Variants in GRM5 observed in about 807,000 individuals in gnomAD.
GRM5 encodes glutamate metabotropic receptor 5.
Under a neutral mutation model 83.1 loss-of-function variants are expected in GRM5, and 19 were observed. The ratio of observed to expected loss-of-function variants is 0.23; its 90% confidence interval spans 0.16 to 0.34. The LOEUF (loss-of-function observed/expected upper bound fraction) is 0.34. Among genes scored for constraint, GRM5 ranks in the 10% least tolerant of loss-of-function variants. The pLI, the probability that GRM5 is intolerant of heterozygous loss-of-function variation, is 1.00. For synonymous variants in GRM5, 675 were observed against 633.6 expected (o/e 1.07, Z -0.98); for missense variants, 1,160 against 1,588.3 (o/e 0.73, Z 4.58).
At position 88,508,509 on chromosome 11, in the gene GRM5, G is replaced by A; in HGVS notation, c.*83C>T. 3 of 1,157,982 alleles carry A rather than the reference G, an allele frequency of 2.6e-6. No individual in the cohort carries two copies. In the South Asian group the frequency reaches 4.2e-5, roughly 16 times the overall value. The allele number at this position is 1,157,982 out of a possible 1,614,324, so 71.7% of individuals were successfully genotyped here. On this transcript the variant is annotated 3_prime_UTR_variant, in exon 10 of 10. Transcript: ENST00000305447. This position sits in a 1 kb window ranked among gnomAD's most constrained non-coding sequence, Gnocchi z 4.2. ...GCATCTTCCCCCTGGGCCGTAACCA[G>A]GCGACTATGCTTGCCATTGTGTGTG...
At chr11:88,612,273 C>T (rs994566184) in intron 4 of GRM5, among the ~76,000 whole-genome samples, 18 of 150,104 alleles carry the variant, frequency 1.2e-4, no homozygotes, top group African/African-American at 4.2e-4. Context: ...CAATTTCATC[C>T]ATGTCCCTAC....
At chr11:88,713,965 A>G (rs1174116237) in intron 3 of GRM5, among the ~76,000 whole-genome samples, 1 of 152,042 alleles carries the variant, frequency 6.6e-6, no homozygotes, top group Admixed American at 6.6e-5. Flanking sequence ...CAAGATTGAC[A>G]CTTTGTAAAA....
rs185580291 is a variant in GRM5, at chr11:88,921,995, G to A, written c.662-71840C>T. Reference sequence around the variant, plus strand: ...CAAGAAAGTAATCCCATTTACATTAGCTACAAATAAAATAAAATCCCAAGG... The same window carrying A: ...CAAGAAAGTAATCCCATTTACATTAACTACAAATAAAATAAAATCCCAAGG... On this transcript the variant is annotated intron_variant, in intron 2 of 9. Transcript: ENST00000305447. Among the ~76,000 whole-genome samples, 584 of 151,566 alleles carry A rather than the reference G, an allele frequency of 3.9e-3. 2 individuals are homozygous for A. Among genetic ancestry groups the A allele is most frequent in the African/African-American group, 0.014 (571 of 41,346 alleles).
chr11:88,738,314 C>T (rs2135413765), intron 3 of GRM5, among the ~76,000 whole-genome samples: 1 of 151,998 alleles, frequency 6.6e-6, no homozygotes, highest in Non-Finnish European at 1.5e-5. Context: ...TGATCAGAAC[C>T]ACAGAAAAAT....
At chr11:88,955,065 T>C (rs597462) in intron 2 of GRM5, among the ~76,000 whole-genome samples, 65,181 of 152,044 alleles carry the variant, frequency 0.43, 15,779 homozygotes, top group South Asian at 0.65. Context: ...TTTCACGTGT[T>C]TTTTTTCCCC....
chr11:88,627,026 C>T (rs986155746), intron 4 of GRM5, among the ~76,000 whole-genome samples: 3 of 152,210 alleles, frequency 2.0e-5, no homozygotes, highest in African/African-American at 7.2e-5. Context: ...TATGGCAGCC[C>T]AAGCTGACTT....
intron 4 of GRM5, among the ~76,000 whole-genome samples, chr11:88,605,898 G>T (rs1938129623): frequency 6.6e-6 from 1 of 152,206 alleles, no homozygotes; most frequent in Admixed American, 6.5e-5. Flanking sequence ...CAAGAAAGAA[G>T]TGATTCTTGC....
At chr11:88,822,467 TATTTG>T (rs1943816041) in intron 3 of GRM5, among the ~76,000 whole-genome samples, 1 of 152,236 alleles carries the variant, frequency 6.6e-6, no homozygotes, top group African/African-American at 2.4e-5. Context: ...TCTACACTGA[TATTTG>T]ATGGATGAGT....
rs185940797 is a variant in GRM5, at chr11:88,956,697, T to C, written c.661+90515A>G. 6.7e-4 allele frequency among the ~76,000 whole-genome samples: 102 copies of C among 152,256 alleles called. 1 individual carries two copies. Among genetic ancestry groups the C allele is most frequent in the Admixed American group, 6.1e-3 (94 of 15,302 alleles). On this transcript the variant is annotated intron_variant, in intron 2 of 9. Coordinates refer to ENST00000305447, the MANE Select transcript of GRM5 (RefSeq NM_001143831.3). ...GGCGGGGGCCTGTAGTCCCAGCTCC[T>C]CGAGAGGCTGAGGCAGGAGAAAGGC... is the stretch of plus-strand genomic sequence containing the variant.
intron 2 of GRM5, among the ~76,000 whole-genome samples, chr11:88,901,191 A>T (rs1443238181): frequency 2.0e-5 from 3 of 152,090 alleles, no homozygotes; most frequent in Non-Finnish European, 4.4e-5. Flanking sequence ...ATTTTCTGGT[A>T]TGTCGGTTTC....
intron 3 of GRM5, among the ~76,000 whole-genome samples, chr11:88,701,477 A>C (rs1294321735): frequency 6.6e-6 from 1 of 152,134 alleles, no homozygotes; most frequent in African/African-American, 2.4e-5. Context: ...TAACAATAGC[A>C]ACAGCTGAGG....
chr11:88,990,748 C>T (rs1939934488), intron 2 of GRM5, among the ~76,000 whole-genome samples: 1 of 151,394 alleles, frequency 6.6e-6, no homozygotes, highest in African/African-American at 2.4e-5. Context: ...ATAAACAGAG[C>T]CAAAGACAAA....
At chr11:88,753,139 G>C (rs1377289483) in intron 3 of GRM5, among the ~76,000 whole-genome samples, 1 of 152,110 alleles carries the variant, frequency 6.6e-6, no homozygotes, top group Non-Finnish European at 1.5e-5. Flanking sequence ...CTTCTTCAGA[G>C]CAAAATAAAC....
At chr11:88,958,442 A>T (rs971692121) in intron 2 of GRM5, among the ~76,000 whole-genome samples, 5 of 151,936 alleles carry the variant, frequency 3.3e-5, no homozygotes, top group African/African-American at 1.2e-4. Flanking sequence ...CTTGTTCAAT[A>T]AATTTTGTCT....
intron 3 of GRM5, among the ~76,000 whole-genome samples, chr11:88,683,970 G>A (rs1454298027): frequency 6.6e-6 from 1 of 152,202 alleles, no homozygotes. Context: ...TTGTGGCACT[G>A]CAGCTAGACT....
At chr11:88,637,176 C>G (rs1469909275) in intron 4 of GRM5, among the ~76,000 whole-genome samples, 1 of 152,152 alleles carries the variant, frequency 6.6e-6, no homozygotes, top group Admixed American at 6.6e-5. Context: ...AAGACTTAAA[C>G]GTTAGACCTA....
chr11:88,548,406 A>G (rs988822368), intron 8 of GRM5, among the ~76,000 whole-genome samples: 3 of 152,216 alleles, frequency 2.0e-5, no homozygotes, highest in Non-Finnish European at 2.9e-5. Context: ...AAATTTAAGT[A>G]GTAACAAATG....
At chr11:88,790,984 A>T (rs1490603315) in intron 3 of GRM5, among the ~76,000 whole-genome samples, 2 of 152,242 alleles carry the variant, frequency 1.3e-5, no homozygotes, top group African/African-American at 4.8e-5. Flanking sequence ...GATGAATTGC[A>T]AGCACAGGAG....
At chr11:89,040,112 C>A (rs1004387452) in intron 2 of GRM5, among the ~76,000 whole-genome samples, 1 of 151,778 alleles carries the variant, frequency 6.6e-6, no homozygotes, top group Admixed American at 6.6e-5. Flanking sequence ...GAAATCTGTA[C>A]GAACATTCTT....
Sources: gnomAD v4.1 joint callset for allele counts (sites outside exome capture counted in the v4.1 genomes callset) on GRCh38, gnomAD v4.1.1 for gene constraint, Gnocchi (gnomAD v3.1) non-coding constraint, MANE v1.5 for transcripts, NCBI Gene and HGNC (gene_info 2026-07-23, HGNC 2026-07-21) for gene names.